Variants in CCDC62 observed in about 807,000 individuals in gnomAD.
The protein encoded by CCDC62 is coiled-coil domain-containing protein 62.
A neutral mutation model predicts 80.8 loss-of-function variants in CCDC62; 72 were observed. The ratio of observed to expected loss-of-function variants is 0.89; its 90% CI spans 0.74 to 1.08. The LOEUF is 1.08. Among genes scored for constraint, CCDC62 ranks in the 50% least tolerant of loss-of-function variants. CCDC62 has a pLI of 0.00. For missense variants in CCDC62, 704 were observed against 809.4 expected (o/e 0.87, Z 1.58); for synonymous variants, 286 against 296.5 (o/e 0.96, Z 0.36).
intron 6 of CCDC62, among the ~76,000 whole-genome samples, chr12:122,795,030 G>A (rs1314390434): frequency 6.6e-6 from 1 of 151,982 alleles, no homozygotes; most frequent in Non-Finnish European, 1.5e-5. Context: ...AAGTGCTATG[G>A]CTAAATGTCA....
intron 2 of CCDC62, among the ~76,000 whole-genome samples, chr12:122,778,352 C>CGT (rs1879611785): frequency 9.7e-6 from 1 of 103,472 alleles, no homozygotes; most frequent in African/African-American, 5.0e-5. Flanking sequence ...AGACCCTGTC[C>CGT]CAAAAAAAAA....
intron 11 of CCDC62, among the ~76,000 whole-genome samples, chr12:122,822,002 G>C (rs2032421639): frequency 6.7e-6 from 1 of 150,016 alleles, no homozygotes; most frequent in Admixed American, 6.7e-5. Flanking sequence ...GCTGAGGCAG[G>C]AGGATCACGT....
At chr12:122,792,763 C>T (rs1224794988) in intron 6 of CCDC62, among the ~76,000 whole-genome samples, 4 of 152,178 alleles carry the variant, frequency 2.6e-5, no homozygotes, top group Non-Finnish European at 5.9e-5. Flanking sequence ...GATAATCCGC[C>T]CGCCTCAGCC....
At chr12:122,785,126 A>G (rs1216284177) in intron 3 of CCDC62, among the ~76,000 whole-genome samples, 8 of 152,188 alleles carry the variant, frequency 5.3e-5, no homozygotes, top group African/African-American at 1.7e-4. Context: ...TGGGCGACAG[A>G]GTGAGACTCA....
At chr12:122,799,147 C>G (rs1400590756) in intron 8 of CCDC62, among the ~76,000 whole-genome samples, 1 of 152,080 alleles carries the variant, frequency 6.6e-6, no homozygotes, top group African/African-American at 2.4e-5. Context: ...TTGTCATAAT[C>G]CTCAGTCGCA....
chr12:122,781,438 C>T, intron 3 of CCDC62, 108 bp downstream of exon 3: 1 of 1,064,522 alleles, frequency 9.4e-7, no homozygotes. Flanking sequence ...GTAATGCCAA[C>T]ACTTTGGGAG....
chr12:122,812,755 G>GA (rs2031959768), intron 10 of CCDC62, among the ~76,000 whole-genome samples: 1 of 68,474 alleles, frequency 1.5e-5, no homozygotes, highest in African/African-American at 7.0e-5. Flanking sequence ...GAGAGAGGGA[G>GA]GGAGAGAGAG....
chr12:122,777,920 TG>T (rs1318500625), intron 2 of CCDC62, among the ~76,000 whole-genome samples: 1 of 152,178 alleles, frequency 6.6e-6, no homozygotes, highest in Non-Finnish European at 1.5e-5. Flanking sequence ...CCAGTCAACA[TG>T]GGGTGAGCGC....
chr12:122,792,781 G>A (rs2030708367), intron 6 of CCDC62, among the ~76,000 whole-genome samples: 1 of 152,166 alleles, frequency 6.6e-6, no homozygotes, highest in Non-Finnish European at 1.5e-5. Context: ...GCCTCGCAAA[G>A]TGCTGGGATT....
chr12:122,820,840 C>CA (rs35113362), intron 11 of CCDC62, among the ~76,000 whole-genome samples: 15 of 129,778 alleles, frequency 1.2e-4, no homozygotes, highest in South Asian at 7.6e-4. Context: ...GACTCTGTCT[C>CA]AAAAAAAAAA....
At chr12:122,789,710 C>T (rs181463052) in intron 5 of CCDC62, among the ~76,000 whole-genome samples, 2 of 152,360 alleles carry the variant, frequency 1.3e-5, no homozygotes, top group East Asian at 3.9e-4. Context: ...CTGAGATCTA[C>T]AGGCGTGAGC....
intron 2 of CCDC62, 149 bp downstream of exon 2, chr12:122,777,832 G>T: frequency 3.0e-6 from 2 of 660,312 alleles, no homozygotes; most frequent in South Asian, 2.0e-5. Flanking sequence ...TTTATGAACA[G>T]CCACAATGGG....
chr12:122,798,208 T>C lies in CCDC62; in HGVS notation c.977+8T>C. ...AAAGGCTCTGGACTCCAGGTAATCT[T>C]AGCAAGATGCAATTAATATGATCTT... is the stretch of plus-strand genomic sequence containing the variant. On this transcript the variant is annotated splice_region_variant and intron_variant, in intron 8 of 12. Coordinates refer to ENST00000253079, the MANE Select transcript of CCDC62 (RefSeq NM_201435.5). 1.6e-6 allele frequency: 2 copies of C among 1,244,142 alleles called. No homozygotes were observed. Among genetic ancestry groups the C allele is most frequent in the South Asian group, 1.2e-5 (1 of 82,402 alleles). The allele number at this position is 1,244,142 out of a possible 1,614,324, so 77.1% of individuals were successfully genotyped here. A position where few individuals can be genotyped will look rare whatever the true frequency, so the allele number is the denominator to read the frequency against.
chr12:122,801,006 AGGTTCAGACAAAC>A, intron 8 of CCDC62, 105 bp from the exon 9 acceptor site: 1 of 1,078,972 alleles, frequency 9.3e-7, no homozygotes, highest in South Asian at 1.6e-5. Flanking sequence ...TTGGGCTCTG[AGGTTCAGACAAAC>A]GAGTCTCATT....
Position 122,801,603 on chromosome 12 carries a change from G to C in CCDC62, c.1457G>C (p.Cys486Ser). 1 of 1,614,150 alleles carries C rather than the reference G, an allele frequency of 6.2e-7. No homozygotes were observed. Among genetic ancestry groups the C allele is most frequent in the Non-Finnish European group, 8.5e-7 (1 of 1,180,036 alleles). The change falls in exon 9 of 13, where the codon TGT becomes TCT. Residue 486 changes from cysteine (C) to serine (S), a missense_variant. By Grantham distance (112) the Cys-to-Ser change is moderately radical. Coordinates refer to ENST00000253079, the MANE Select transcript of CCDC62 (RefSeq NM_201435.5). ...CATCCAGAAAAGCTGGATGTAGAAT[G>C]TCAAGATCAGATGGAAAGGTCCGAA... Reference protein sequence around the residue: ...SKHPEKLDVECQDQMERSEIS... With the variant: ...SKHPEKLDVESQDQMERSEIS...
At chr12:122,813,191 AAG>A (rs2032016523) in intron 10 of CCDC62, 77 bp from the exon 11 acceptor site, 8 of 1,429,052 alleles carry the variant, frequency 5.6e-6, no homozygotes, top group Non-Finnish European at 5.7e-6. Flanking sequence ...AGAAAGAAAA[AAG>A]AAAACAATAT....
In CCDC62 at chr12:122,793,995, G is replaced by C. The variant is rs187469053; in HGVS notation, c.772+1874G>C. 1.9e-4 allele frequency among the ~76,000 whole-genome samples: 29 copies of C among 152,296 alleles called. 1 individual carries two copies. The highest frequency in any genetic ancestry group is 1.5e-3 in the Admixed American group (23 of 15,284). On this transcript the variant is annotated intron_variant, in intron 6 of 12. Transcript: ENST00000253079. Reference sequence around the variant, plus strand: ...CGCCAGGTGCCCTGCGATATGCTCAGAAGCTCACAGGCCCACAGAATTCAC... The same window carrying C: ...CGCCAGGTGCCCTGCGATATGCTCACAAGCTCACAGGCCCACAGAATTCAC...
At chr12:122,814,681 C>T (rs1310851014) in intron 11 of CCDC62, among the ~76,000 whole-genome samples, 1 of 151,630 alleles carries the variant, frequency 6.6e-6, no homozygotes, top group Non-Finnish European at 1.5e-5. Context: ...CTAATTTTTG[C>T]ATTTTTATTA....
chr12:122,807,182 A>G (rs1225358305), intron 10 of CCDC62, among the ~76,000 whole-genome samples: 1 of 152,208 alleles, frequency 6.6e-6, no homozygotes, highest in Non-Finnish European at 1.5e-5. Context: ...CAGCATGGGC[A>G]ACATAGCAAG....
Sources: gnomAD v4.1 joint callset for allele counts (sites outside exome capture counted in the v4.1 genomes callset) on GRCh38, gnomAD v4.1.1 for gene constraint, MANE v1.5 for transcripts, NCBI Gene and HGNC (gene_info 2026-07-23, HGNC 2026-07-21) for gene names.